Variants in DDX60L observed in about 807,000 individuals in gnomAD.
The protein encoded by DDX60L is DExD/H-box 60 like.
A neutral mutation model predicts 211.6 loss-of-function variants in DDX60L; 191 were observed. The observed-to-expected ratio is 0.90, with a 90% CI of 0.80 to 1.02. The LOEUF is 1.02. Among genes scored for constraint, DDX60L ranks in the 50% least tolerant of loss-of-function variants. The probability of loss-of-function intolerance (pLI) is 0.00; values close to 1 mark genes in which losing one functional copy is unlikely to be tolerated. For missense variants in DDX60L, 2,007 were observed against 1,984.1 expected, an observed-to-expected ratio of 1.01 and a Z score of -0.22; for synonymous variants, 706 against 694.1, an observed-to-expected ratio of 1.02 and a Z score of -0.27.
chr4:168,404,144 A>AT (rs59361424), intron 24 of DDX60L, 38 bp from the exon 25 acceptor site: 3 of 1,152,018 alleles, frequency 2.6e-6, no homozygotes, highest in African/African-American at 1.6e-5. Flanking sequence ...AAAAAAAAAA[A>AT]GAATTTGTGG....
intron 36 of DDX60L, among the ~76,000 whole-genome samples, chr4:168,368,011 T>C (rs1429562738): frequency 6.6e-6 from 1 of 152,230 alleles, no homozygotes; most frequent in African/African-American, 2.4e-5. Flanking sequence ...AATTTGCAGC[T>C]TGGCAATGCA....
chr4:168,388,990 A>C (rs1227275041), intron 29 of DDX60L, among the ~76,000 whole-genome samples: 1 of 152,200 alleles, frequency 6.6e-6, no homozygotes, highest in Non-Finnish European at 1.5e-5. Context: ...GAGGCAGTGA[A>C]TGTGTTTTTG....
intron 8 of DDX60L, among the ~76,000 whole-genome samples, chr4:168,449,701 C>A (rs1755518689): frequency 4.1e-5 from 4 of 98,558 alleles, no homozygotes; most frequent in South Asian, 3.4e-4. Context: ...ATGTGCTTGA[C>A]TAAGAAAGAG....
At chr4:168,442,064 G>T (rs1298433175) in intron 9 of DDX60L, among the ~76,000 whole-genome samples, 1 of 152,132 alleles carries the variant, frequency 6.6e-6, no homozygotes, top group Non-Finnish European at 1.5e-5. Context: ...CAGAAGACGG[G>T]TGATTTCTGC....
chr4:168,358,978 A>T (rs1386708191), intron 37 of DDX60L, among the ~76,000 whole-genome samples: 1 of 152,162 alleles, frequency 6.6e-6, no homozygotes, highest in Non-Finnish European at 1.5e-5. Context: ...AATTATTTTT[A>T]AAAACCCACA....
At chr4:168,361,310 A>G in intron 36 of DDX60L, 99 bp from the exon 37 acceptor site, 1 of 719,378 alleles carries the variant, frequency 1.4e-6, no homozygotes, top group Non-Finnish European at 2.4e-6. Flanking sequence ...CAGTTAATTT[A>G]TCTGCCAAAT....
rs1205736695 is a variant in DDX60L, at chr4:168,421,898, C to T, written c.2256G>A (p.Leu752=). 1 of 1,614,042 alleles carries T rather than the reference C, an allele frequency of 6.2e-7. No homozygotes were observed. The highest frequency in any genetic ancestry group is 8.5e-7 in the Non-Finnish European group (1 of 1,180,042). The change falls in exon 17 of 38, where the codon CTG becomes CTA. Residue 752 remains leucine (L), a synonymous_variant. Transcript: ENST00000682922. ...CTGACTCATTCTTATCTACCACATCCAGGAGTTCCTGCTGCAGGGTACAAA... is the reference window on the plus strand; with the variant it reads ...CTGACTCATTCTTATCTACCACATCTAGGAGTTCCTGCTGCAGGGTACAAA... ...FIPNAWQQEL[L]DVVDKNESAV...
At chr4:168,364,369 C>T (rs191403760) in intron 36 of DDX60L, among the ~76,000 whole-genome samples, 3 of 152,196 alleles carry the variant, frequency 2.0e-5, no homozygotes. Flanking sequence ...CATTGTAATT[C>T]TATATACCAA....
chr4:168,463,183 A>G (rs1257164079), intron 4 of DDX60L, among the ~76,000 whole-genome samples: 1 of 152,224 alleles, frequency 6.6e-6, no homozygotes, highest in Admixed American at 6.5e-5. Context: ...ACATGCACGC[A>G]TATGTTCACC....
At chr4:168,426,638 T>C (rs376512632) in intron 14 of DDX60L, among the ~76,000 whole-genome samples, 2 of 152,188 alleles carry the variant, frequency 1.3e-5, no homozygotes, top group East Asian at 1.9e-4. Flanking sequence ...AACCTGTCAA[T>C]GCTTCTGCTG....
chr4:168,392,784 G>A (rs72695136), intron 28 of DDX60L, among the ~76,000 whole-genome samples: 24,744 of 149,532 alleles, frequency 0.17, 2,141 homozygotes, highest in Middle Eastern at 0.26. Context: ...ACGTTGCAGC[G>A]AGCCGAGATT....
chr4:168,398,802 A>G (rs1746274983), intron 26 of DDX60L, among the ~76,000 whole-genome samples: 1 of 151,236 alleles, frequency 6.6e-6, no homozygotes, highest in Admixed American at 6.6e-5. Context: ...TGTCAGGATT[A>G]CCAGCTACGG....
chr4:168,395,766 C>T, intron 27 of DDX60L, 193 bp downstream of exon 27: 2 of 526,302 alleles, frequency 3.8e-6, no homozygotes, highest in Non-Finnish European at 6.6e-6. Flanking sequence ...TCACACTGAG[C>T]AAGGAAGAGT....
chr4:168,380,354 G>C (rs1008411932), intron 30 of DDX60L: 3 of 152,364 alleles, frequency 2.0e-5, no homozygotes, highest in Non-Finnish European at 2.9e-5. Flanking sequence ...TCATGGAGGT[G>C]AATTTCCCCT....
chr4:168,395,521 A>G (rs997074676), intron 27 of DDX60L, among the ~76,000 whole-genome samples: 4 of 152,218 alleles, frequency 2.6e-5, no homozygotes, highest in African/African-American at 9.7e-5. Flanking sequence ...TTGCATAATA[A>G]AAAATGTTTA....
chr4:168,433,441 C>T (rs931923676), intron 10 of DDX60L, among the ~76,000 whole-genome samples: 1 of 151,882 alleles, frequency 6.6e-6, no homozygotes, highest in African/African-American at 2.4e-5. Context: ...ATAGTAATAA[C>T]AGCACTTGAA....
intron 22 of DDX60L, 136 bp downstream of exon 22, chr4:168,415,272 G>A (rs1371131988): frequency 2.2e-6 from 1 of 461,160 alleles, no homozygotes; most frequent in Non-Finnish European, 3.8e-6. Flanking sequence ...AAAAATCAAT[G>A]AATAAAATAA....
intron 1 of DDX60L, among the ~76,000 whole-genome samples, chr4:168,474,784 G>A (rs1328383222): frequency 1.3e-5 from 2 of 152,136 alleles, no homozygotes; most frequent in African/African-American, 4.8e-5. Flanking sequence ...AGGTAATCCT[G>A]GAGGAAATAA....
chr4:168,375,540 A>G lies in DDX60L; in HGVS notation c.4486-16T>C, dbSNP rs1204521875. The G allele has an allele frequency of 6.4e-7, 1 of 1,571,098 alleles. No homozygotes were observed. The highest frequency in any genetic ancestry group is 1.4e-5 in the African/African-American group (1 of 72,736). On this transcript the variant is annotated splice_polypyrimidine_tract_variant and intron_variant, in intron 33 of 37. Transcript: ENST00000682922. ...CAAGGATCACCTATGGGCGAAATAC[A>G]TTTCAGAAAGATCTCTTTACTTTTA... is the stretch of plus-strand genomic sequence containing the variant.
Sources: gnomAD v4.1 joint callset for allele counts (sites outside exome capture counted in the v4.1 genomes callset) on GRCh38, gnomAD v4.1.1 for gene constraint, MANE v1.5 for transcripts, NCBI Gene and HGNC (gene_info 2026-07-23, HGNC 2026-07-21) for gene names.